KL: variants seen among roughly 807,000 people sequenced by gnomAD.
KL encodes the protein klotho.
KL carries 62 observed loss-of-function variants against 84.2 expected under a neutral mutation model. That is an observed-to-expected ratio of 0.74 (90% confidence interval 0.60 to 0.91). The LOEUF is 0.91. Ranked by LOEUF, KL falls within the 40% of genes least tolerant of loss-of-function variation. The pLI is 0.00. For missense variants in KL, 1,261 were observed against 1,305.7 expected, an observed-to-expected ratio of 0.97 and a Z score of 0.53; for synonymous variants, 528 against 528.0, an observed-to-expected ratio of 1.00 and a Z score of 0.00.
At chr13:33,017,583 T>G (rs1427596108) in intron 1 of KL, among the ~76,000 whole-genome samples, 1 of 152,162 alleles carries the variant, frequency 6.6e-6, no homozygotes, top group Non-Finnish European at 1.5e-5. Flanking sequence ...GAGGATTTGC[T>G]AGGAGTAACT....
chr13:33,051,641 T>A (rs1229505493), intron 1 of KL, among the ~76,000 whole-genome samples: 1 of 152,194 alleles, frequency 6.6e-6, no homozygotes, highest in Non-Finnish European at 1.5e-5. Flanking sequence ...TTGCTAAACC[T>A]CCTCCTCTGA....
intron 1 of KL, among the ~76,000 whole-genome samples, chr13:33,017,971 A>G (rs1252858034): frequency 6.6e-6 from 1 of 152,230 alleles, no homozygotes; most frequent in Admixed American, 6.5e-5. Flanking sequence ...AGGGTTCCTC[A>G]CTTATGACAT....
intron 1 of KL, among the ~76,000 whole-genome samples, chr13:33,029,358 A>G (rs1469733554): frequency 6.6e-6 from 1 of 152,230 alleles, no homozygotes; most frequent in Non-Finnish European, 1.5e-5. Flanking sequence ...CCCATGAATC[A>G]ATGTTTCAAA....
At chr13:33,047,607 C>T (rs144385048) in intron 1 of KL, among the ~76,000 whole-genome samples, 4 of 152,140 alleles carry the variant, frequency 2.6e-5, no homozygotes, top group South Asian at 4.1e-4. Context: ...GGATTACAGG[C>T]GTGAGCCACT....
intron 1 of KL, among the ~76,000 whole-genome samples, chr13:33,037,598 G>A (rs1194586209): frequency 2.0e-5 from 3 of 152,072 alleles, no homozygotes; most frequent in Admixed American, 1.3e-4. Flanking sequence ...TGTCCATTCA[G>A]CTTATCCTTT....
chr13:33,048,471 A>G (rs1342880852), intron 1 of KL, among the ~76,000 whole-genome samples: 2 of 152,136 alleles, frequency 1.3e-5, no homozygotes, highest in Admixed American at 1.3e-4. Context: ...TTTGGTATTC[A>G]TCTCCCAGAC....
intron 1 of KL, among the ~76,000 whole-genome samples, chr13:33,025,105 G>T (rs559011771): frequency 6.6e-6 from 1 of 152,272 alleles, no homozygotes; most frequent in South Asian, 2.1e-4. Context: ...ATTAGTAGGG[G>T]AGAGGTAATT....
chr13:33,043,664 TA>T (rs1371240959), intron 1 of KL, among the ~76,000 whole-genome samples: 1 of 152,236 alleles, frequency 6.6e-6, no homozygotes, highest in African/African-American at 2.4e-5. Context: ...GTGAAATATC[TA>T]TTCAAATATT....
chr13:33,030,060 C>A (rs1870921271), intron 1 of KL, among the ~76,000 whole-genome samples: 1 of 151,874 alleles, frequency 6.6e-6, no homozygotes, highest in Admixed American at 6.6e-5. Flanking sequence ...GGTGAGAGGG[C>A]AAGAGAGAGA....
At chr13:33,046,638 T>A (rs138149474) in intron 1 of KL, among the ~76,000 whole-genome samples, 17 of 152,288 alleles carry the variant, frequency 1.1e-4, no homozygotes, top group African/African-American at 4.1e-4. Flanking sequence ...GTATTTTGTG[T>A]ATATCCATTC....
Position 33,064,123 on chromosome 13 carries a change from T to A in KL, c.2976T>A (p.Ala992=), listed in dbSNP as rs1235930157. The change falls in exon 5 of 5, where the codon GCT becomes GCA. Residue 992 remains alanine, a synonymous_variant. Transcript: ENST00000380099. Reference sequence around the variant, plus strand: ...CTTTCATAGCTTTTCTATTTTTTGCTTCTATTATTTCTCTCTCCCTTATAT... The same window carrying A: ...CTTTCATAGCTTTTCTATTTTTTGCATCTATTATTTCTCTCTCCCTTATAT... ...LLAFIAFLFF[A]SIISLSLIFY... 6.2e-7 allele frequency: 1 copy of A among 1,613,590 alleles called. No homozygotes were observed. The highest frequency in any genetic ancestry group is 2.2e-5 in the East Asian group (1 of 44,886).
intron 1 of KL, among the ~76,000 whole-genome samples, chr13:33,048,221 T>C (rs1447674994): frequency 1.3e-5 from 2 of 152,184 alleles, no homozygotes; most frequent in African/African-American, 2.4e-5. Flanking sequence ...TGAGATATTA[T>C]AGGAAGCCTG....
At position 33,061,763 on chromosome 13, in the gene KL, T is replaced by C. The variant is rs387907441; in HGVS notation, c.2684T>C (p.Ile895Thr). The C allele has an allele frequency of 6.2e-6, 10 of 1,613,578 alleles. No homozygotes were observed. Among genetic ancestry groups the C allele is most frequent in the Non-Finnish European group, 8.5e-6 (10 of 1,180,026 alleles). ...QLRVYYMQNYINEALKAHILD... is the reference protein window; with the variant it reads ...QLRVYYMQNYTNEALKAHILD... Reference sequence around the variant, plus strand: ...AGGGTGTATTATATGCAGAATTACATAAACGAAGCTCTCAAAGGTAAGGAG... The same window carrying C: ...AGGGTGTATTATATGCAGAATTACACAAACGAAGCTCTCAAAGGTAAGGAG... The change falls in exon 4 of 5, where the codon ATA (isoleucine) becomes ACA (threonine). Residue 895 changes from isoleucine (I) to threonine (T), a missense_variant. Coordinates refer to ENST00000380099, the MANE Select transcript of KL (RefSeq NM_004795.4).
intron 1 of KL, among the ~76,000 whole-genome samples, chr13:33,047,438 T>C (rs909062591): frequency 6.6e-6 from 1 of 151,930 alleles, no homozygotes; most frequent in African/African-American, 2.4e-5. Flanking sequence ...CTGCAATCTC[T>C]GCTTCCCGGG....
intron 2 of KL, among the ~76,000 whole-genome samples, chr13:33,054,777 T>C (rs1871889438): frequency 6.6e-6 from 1 of 152,246 alleles, no homozygotes; most frequent in Non-Finnish European, 1.5e-5. Flanking sequence ...TTTCCAGCCC[T>C]GTAGAATATC....
chr13:33,019,141 T>G lies in KL; in HGVS notation c.819+1882T>G, dbSNP rs187215387. 3.2e-3 allele frequency among the ~76,000 whole-genome samples: 480 copies of G among 152,356 alleles called. 3 individuals carry two copies. The highest frequency in any genetic ancestry group is 4.8e-3 in the Non-Finnish European group (328 of 68,042). On this transcript the variant is annotated intron_variant, in intron 1 of 4. Transcript: ENST00000380099. The stretch of plus-strand genomic sequence containing the variant: ...GTTGCAAACAAACTGTTAGTTGGTG[T>G]AAAGTATTAATTTTGCTTTCACATT...
intron 1 of KL, among the ~76,000 whole-genome samples, chr13:33,022,359 C>A (rs1240644058): frequency 2.0e-5 from 3 of 152,118 alleles, no homozygotes. Flanking sequence ...AGTTGTCTTT[C>A]TTTCAATGAA....
Position 33,054,058 on chromosome 13 carries a change from T to A in KL, c.1111T>A (p.Phe371Ile). Reference sequence around the variant, plus strand: ...AACTGCTGACTTTTTTGCTCTTTGCTTTGGACCCACCTTGAGTTTTCAACT... The same window carrying A: ...AACTGCTGACTTTTTTGCTCTTTGCATTGGACCCACCTTGAGTTTTCAACT... ...KGTADFFALC[F>I]GPTLSFQLLD... Residue 371 changes from phenylalanine (F) to isoleucine (I), a missense_variant, in exon 2 of 5, where the codon TTT (phenylalanine) becomes ATT (isoleucine). Physicochemically the swap from Phe to Ile is conservative, Grantham distance 21. Transcript: ENST00000380099. The A allele has an allele frequency of 3.1e-6, 5 of 1,613,788 alleles. No individual in the cohort carries two copies. The highest frequency in any genetic ancestry group is 4.2e-6 in the Non-Finnish European group (5 of 1,179,816).
intron 1 of KL, among the ~76,000 whole-genome samples, chr13:33,053,254 G>T: frequency 6.6e-6 from 1 of 152,136 alleles, no homozygotes; most frequent in Non-Finnish European, 1.5e-5. Context: ...AAAGAAGATT[G>T]CTTGTTAGAA....
Sources: gnomAD v4.1 joint callset for allele counts (sites outside exome capture counted in the v4.1 genomes callset) on GRCh38, gnomAD v4.1.1 for gene constraint, MANE v1.5 for transcripts, NCBI Gene and HGNC (gene_info 2026-07-23, HGNC 2026-07-21) for gene names.